The following CD109 variants were observed in gnomAD, a reference collection of about 807,000 sequenced individuals.
The protein encoded by CD109 is CD109 molecule.
Under a neutral mutation model 165.8 loss-of-function variants are expected in CD109, and 149 were observed. That is an observed-to-expected ratio of 0.90 (90% confidence interval 0.79 to 1.03). The LOEUF is 1.03. CD109 is among the 50% of genes least tolerant of loss of function. CD109 has a pLI of 0.00. For synonymous variants in CD109, 585 were observed against 592.1 expected (o/e 0.99, Z 0.18); for missense variants, 1,712 against 1,677.8 (o/e 1.02, Z -0.36).
At chr6:73,750,183 C>A (rs1465526033) in intron 5 of CD109, among the ~76,000 whole-genome samples, 1 of 152,068 alleles carries the variant, frequency 6.6e-6, no homozygotes, top group East Asian at 1.9e-4. Context: ...GAAAGAGGAG[C>A]AAAAGGTACC....
At chr6:73,759,084 A>G (rs770306976) in intron 7 of CD109, 56 bp downstream of exon 7, 63 of 1,132,136 alleles carry the variant, frequency 5.6e-5, no homozygotes, top group Non-Finnish European at 7.3e-5. Context: ...CTGTGTGACC[A>G]AAAGCTGATT....
intron 15 of CD109, among the ~76,000 whole-genome samples, chr6:73,771,821 G>C (rs1264952335): frequency 6.6e-6 from 1 of 152,194 alleles, no homozygotes; most frequent in Non-Finnish European, 1.5e-5. Flanking sequence ...AGTTAGATGG[G>C]AGGAATAAAT....
At chr6:73,772,505 CAAAAAAAA>C (rs1027095366) in intron 15 of CD109, among the ~76,000 whole-genome samples, 3 of 39,570 alleles carry the variant, frequency 7.6e-5, no homozygotes, top group African/African-American at 2.8e-4. Context: ...GACTCTGTCT[CAAAAAAAA>C]AAAAAAAAAA....
chr6:73,752,158 C>A (rs1393352788), intron 5 of CD109, among the ~76,000 whole-genome samples: 1 of 152,170 alleles, frequency 6.6e-6, no homozygotes, highest in Non-Finnish European at 1.5e-5. Context: ...ATCCAACCAG[C>A]ACCTTAGTTT....
chr6:73,743,375 G>C (rs1429962322), intron 5 of CD109, among the ~76,000 whole-genome samples: 1 of 152,150 alleles, frequency 6.6e-6, no homozygotes, highest in African/African-American at 2.4e-5. Context: ...CACTCTTCTG[G>C]AGCCCTGTAT....
chr6:73,695,597 C>T (rs1277856132), upstream of CD109: 1 of 151,720 alleles, frequency 6.6e-6, no homozygotes, highest in Non-Finnish European at 1.5e-5. Flanking sequence ...AGCAGTAGAC[C>T]TCATTTTTTG....
intron 5 of CD109, among the ~76,000 whole-genome samples, chr6:73,742,101 C>T (rs1772808555): frequency 6.6e-6 from 1 of 152,160 alleles, no homozygotes; most frequent in African/African-American, 2.4e-5. Context: ...GTGCATTCAT[C>T]ACCACCATCC....
intron 26 of CD109, among the ~76,000 whole-genome samples, chr6:73,808,884 A>T (rs1562082887): frequency 6.6e-6 from 1 of 151,580 alleles, no homozygotes; most frequent in South Asian, 2.1e-4. Flanking sequence ...CAGAAATAAG[A>T]TAATGTCCAG....
In CD109 at chr6:73,711,431, CT is replaced by C. The variant is rs1308951808; in HGVS notation, c.248-11818del. Among the ~76,000 whole-genome samples, 3 of 151,938 alleles carry C rather than the reference CT, an allele frequency of 2.0e-5. No individual in the cohort carries two copies. The East Asian group carries it at 5.8e-4, about 29-fold the overall frequency. ...GTTTGGTTTTGTTCTGCTCAGAATA[CT>C]TGTGTTTTCTGTGTAGACTGAATTT... On this transcript the variant is annotated intron_variant, in intron 2 of 32. Coordinates refer to ENST00000287097, the MANE Select transcript of CD109 (RefSeq NM_133493.5).
At position 73,697,576 on chromosome 6, in the gene CD109, A is replaced by G. The variant is rs1770897729; in HGVS notation, c.247+4A>G. 6.2e-7 allele frequency: 1 copy of G among 1,612,698 alleles called. No individual in the cohort carries two copies. The highest frequency in any genetic ancestry group is 1.3e-5 in the African/African-American group (1 of 75,022). Reference sequence around the variant, plus strand: ...GCAGAAGGAGTCTTTGAAAAAGGTAAGATAAACAGCATAAAGTCTTACCCT... The same window carrying G: ...GCAGAAGGAGTCTTTGAAAAAGGTAGGATAAACAGCATAAAGTCTTACCCT... On this transcript the variant is annotated splice_donor_region_variant and intron_variant, in intron 2 of 32. Coordinates refer to ENST00000287097, the MANE Select transcript of CD109 (RefSeq NM_133493.5).
chr6:73,787,328 C>G lies in CD109; in HGVS notation c.2432C>G (p.Pro811Arg), dbSNP rs1272015237. 6.2e-7 allele frequency: 1 copy of G among 1,613,978 alleles called. No homozygotes were observed. The highest frequency in any genetic ancestry group is 2.2e-5 in the East Asian group (1 of 44,882). ...GGCCACCAGCAGACCCTTCTGGTTC[C>G]CAGTGAGGATGGGGCAACTGTTCTT... ...ATGHQQTLLV[P>R]SEDGATVLFP... is the part of the protein sequence containing the mutation. The change falls in exon 21 of 33, where the codon CCC becomes CGC. Residue 811 changes from proline to arginine, a missense_variant. Coordinates refer to ENST00000287097, the MANE Select transcript of CD109 (RefSeq NM_133493.5).
At chr6:73,819,141 C>T (rs1273036402) in intron 31 of CD109, among the ~76,000 whole-genome samples, 2 of 152,152 alleles carry the variant, frequency 1.3e-5, no homozygotes, top group Admixed American at 6.5e-5. Flanking sequence ...GGCTGGAAGA[C>T]GAAAGTCTTA....
Position 73,736,363 on chromosome 6 carries a change from A to G in CD109, c.508-20A>G, listed in dbSNP as rs565154651. The G allele has an allele frequency of 3.3e-5, 54 of 1,612,432 alleles. No individual in the cohort carries two copies. The South Asian group carries it at 4.6e-4, about 14-fold the overall frequency. ...ACATGGGCAGCCTCTACATACTTACATGTCTGGTTTTCATTTTAGGACCCC... is the reference window on the plus strand; with the variant it reads ...ACATGGGCAGCCTCTACATACTTACGTGTCTGGTTTTCATTTTAGGACCCC... On this transcript the variant is annotated intron_variant, in intron 4 of 32. Coordinates refer to ENST00000287097, the MANE Select transcript of CD109 (RefSeq NM_133493.5).
chr6:73,718,284 T>C (rs764487351), intron 2 of CD109, among the ~76,000 whole-genome samples: 27 of 152,216 alleles, frequency 1.8e-4, no homozygotes, highest in Non-Finnish European at 2.9e-4. Flanking sequence ...TCCAGTACTA[T>C]GTTGAGTAAC....
chr6:73,696,881 AT>A (rs1770860470), intron 1 of CD109, among the ~76,000 whole-genome samples: 1 of 152,144 alleles, frequency 6.6e-6, no homozygotes, highest in Admixed American at 6.5e-5. Context: ...GTTGTAGTTT[AT>A]TTTCAAATGG....
intron 7 of CD109, among the ~76,000 whole-genome samples, chr6:73,759,783 A>G (rs1486155991): frequency 1.3e-5 from 2 of 152,198 alleles, no homozygotes; most frequent in Non-Finnish European, 2.9e-5. Flanking sequence ...CGATACAAGT[A>G]GAGTCAGGTT....
At position 73,697,462 on chromosome 6, in the gene CD109, T is replaced by A. The variant is rs1328695202; in HGVS notation, c.137T>A (p.Val46Glu). Residue 46 changes from valine to glutamate, a missense_variant, in exon 2 of 33, where the codon GTG (valine) becomes GAG (glutamate). Transcript: ENST00000287097. ...IRPGGNVTIG[V>E]ELLEHCPSQV... ...CCCGGAGGAAATGTGACTATTGGGG[T>A]GGAGCTTCTGGAACACTGCCCTTCA... 1 of 1,613,968 alleles carries A rather than the reference T, an allele frequency of 6.2e-7. No homozygotes were observed. Among genetic ancestry groups the A allele is most frequent in the Admixed American group, 1.7e-5 (1 of 59,980 alleles).
intron 11 of CD109, 146 bp downstream of exon 11, chr6:73,766,300 G>A: frequency 4.4e-6 from 3 of 678,904 alleles, no homozygotes; most frequent in Non-Finnish European, 7.4e-6. Flanking sequence ...AGTGGTAAAA[G>A]TAATTTAATG....
intron 4 of CD109, among the ~76,000 whole-genome samples, chr6:73,734,982 C>T (rs1772491659): frequency 6.6e-6 from 1 of 152,178 alleles, no homozygotes; most frequent in African/African-American, 2.4e-5. Flanking sequence ...GAAGAAGTCA[C>T]CTCTGCCTAT....
Sources: gnomAD v4.1 joint callset for allele counts (sites outside exome capture counted in the v4.1 genomes callset) on GRCh38, gnomAD v4.1.1 for gene constraint, MANE v1.5 for transcripts, NCBI Gene and HGNC (gene_info 2026-07-23, HGNC 2026-07-21) for gene names.